ZNRF1: variants seen among roughly 807,000 people sequenced by gnomAD.
ZNRF1 encodes zinc and ring finger 1, also known as E3 ubiquitin-protein ligase ZNRF1.
Under a neutral mutation model 18.4 loss-of-function variants are expected in ZNRF1, and 3 were observed. That is an observed-to-expected ratio of 0.16 (90% CI 0.07 to 0.42). The LOEUF (loss-of-function observed/expected upper bound fraction) is 0.42, where lower values mean the gene tolerates loss of function less well. Among genes scored for constraint, ZNRF1 ranks in the 10% least tolerant of loss-of-function variants. ZNRF1 has a pLI of 0.99. For missense variants in ZNRF1, 310 were observed against 329.8 expected (o/e 0.94, Z 0.47); for synonymous variants, 157 against 144.2 (o/e 1.09, Z -0.64).
intron 1 of ZNRF1, among the ~76,000 whole-genome samples, chr16:75,062,068 C>T (rs1348509694): frequency 2.0e-5 from 3 of 152,124 alleles, no homozygotes; most frequent in Non-Finnish European, 2.9e-5. Context: ...TTCATGTTCT[C>T]GTTGTTATGC....
chr16:75,096,061 CGTGTGTGTGTGTGTGTGTGTGTGTGTGT>C (rs56013949), intron 2 of ZNRF1, among the ~76,000 whole-genome samples: 1 of 139,748 alleles, frequency 7.2e-6, no homozygotes, highest in South Asian at 2.3e-4. Flanking sequence ...TATGTGTGCA[CGTGTGTGTGTGTGTGTGTGTGTGTGTGT>C]GTGTGTGTGT....
intron 1 of ZNRF1, among the ~76,000 whole-genome samples, chr16:75,048,384 C>T (rs2035543877): frequency 6.6e-6 from 1 of 152,190 alleles, no homozygotes; most frequent in Admixed American, 6.5e-5. Context: ...GAGGTTAGGA[C>T]TTCAGCATAT....
intron 1 of ZNRF1, among the ~76,000 whole-genome samples, chr16:75,026,613 C>G (rs1567470179): frequency 6.6e-6 from 1 of 152,060 alleles, no homozygotes; most frequent in Admixed American, 6.6e-5. Context: ...ATATATACAA[C>G]AAAGTAGATC....
rs377103655 is a variant in ZNRF1 at position 75,094,449 on chromosome 16, G to A, written c.520+782G>A. Among the ~76,000 whole-genome samples the A allele has an allele frequency of 9.8e-5, 15 of 152,362 alleles. 2 individuals carry two copies. Among genetic ancestry groups the A allele is most frequent in the East Asian group, 7.7e-4 (4 of 5,188 alleles). On this transcript the variant is annotated intron_variant, in intron 2 of 4. Coordinates refer to ENST00000335325, the MANE Select transcript of ZNRF1 (RefSeq NM_032268.5). Reference sequence around the variant, plus strand: ...GCTGTGCATAAGGCTTTGGAGTCCAGGTGATGGGAGTTCAAATCTCCCTCT... The same window carrying A: ...GCTGTGCATAAGGCTTTGGAGTCCAAGTGATGGGAGTTCAAATCTCCCTCT...
chr16:75,017,650 T>C (rs1422096766), intron 1 of ZNRF1, among the ~76,000 whole-genome samples: 1 of 152,190 alleles, frequency 6.6e-6, no homozygotes, highest in African/African-American at 2.4e-5. Context: ...GGCCTAAAAC[T>C]GAGATCTCCT....
At chr16:75,023,543 G>T (rs1597863617) in intron 1 of ZNRF1, among the ~76,000 whole-genome samples, 1 of 152,134 alleles carries the variant, frequency 6.6e-6, no homozygotes, top group African/African-American at 2.4e-5. Context: ...AATTAGTTGG[G>T]CGTGGTGGCA....
chr16:75,101,426 C>A (rs183674938), intron 2 of ZNRF1, among the ~76,000 whole-genome samples: 79 of 152,212 alleles, frequency 5.2e-4, no homozygotes, highest in African/African-American at 1.4e-3. Context: ...TGGTGGCATG[C>A]ACCTGTAGTC....
intron 1 of ZNRF1, among the ~76,000 whole-genome samples, chr16:75,047,646 G>A (rs1361108951): frequency 6.6e-6 from 1 of 152,074 alleles, no homozygotes; most frequent in East Asian, 1.9e-4. Context: ...ACTTGTGTTA[G>A]TTATTACCAT....
Position 75,109,586 on chromosome 16 carries a change from T to G in ZNRF1, c.*1886T>G, listed in dbSNP as rs936236647. ...GACTCGGTGGTTCAGAGCCTGGGTC[T>G]CAGCGCGGGACCCGTCTGGGGTGAA... On this transcript the variant is annotated 3_prime_UTR_variant, in exon 5 of 5. Transcript: ENST00000335325. The G allele has an allele frequency of 2.0e-5, 3 of 152,772 alleles. No individual in the cohort carries two copies. Among genetic ancestry groups the G allele is most frequent in the Admixed American group, 6.5e-5 (1 of 15,286 alleles). 9.5% of individuals were successfully genotyped at this position (152,772 alleles called of 1,614,324 possible). A position where few individuals can be genotyped will look rare whatever the true frequency, so the allele number is the denominator to read the frequency against.
intron 1 of ZNRF1, among the ~76,000 whole-genome samples, chr16:75,086,968 G>A (rs1400137492): frequency 6.6e-6 from 1 of 152,138 alleles, no homozygotes; most frequent in Non-Finnish European, 1.5e-5. Flanking sequence ...GGAGGGCTGG[G>A]GAGGGAAACT....
rs1555508498 is a variant in ZNRF1 at position 74,999,863 on chromosome 16, CG to C, written c.199del (p.Val67CysfsTer96). Reference sequence around the variant, plus strand: ...GCATGGGCATGGACCCCAGCACGGCCGGGGGGGTGCCCTTTGGCCTCTACAC... The same window carrying C: ...GCATGGGCATGGACCCCAGCACGGCCGGGGGGTGCCCTTTGGCCTCTACAC... ...AGMGMDPSTA[G>X]GVPFGLYTPA... is the part of the protein sequence containing the mutation. On this transcript the variant is annotated frameshift_variant, in exon 1 of 5. Transcript: ENST00000335325. LOFTEE classifies it high-confidence loss of function. The C allele has an allele frequency of 1.1e-5, 16 of 1,517,262 alleles. No individual in the cohort carries two copies. The highest frequency in any genetic ancestry group is 2.5e-5 in the South Asian group (2 of 80,914). The allele number at this position is 1,517,262 out of a possible 1,614,324, so 94.0% of individuals were successfully genotyped here. A position where few individuals can be genotyped will look rare whatever the true frequency, so the allele number is the denominator to read the frequency against.
At chr16:75,035,862 T>C (rs2035370214) in intron 1 of ZNRF1, among the ~76,000 whole-genome samples, 1 of 152,232 alleles carries the variant, frequency 6.6e-6, no homozygotes, top group African/African-American at 2.4e-5. Context: ...AGAAAGGTCA[T>C]AAACTAGTTA....
At chr16:75,059,343 G>A (rs533570771) in intron 1 of ZNRF1, among the ~76,000 whole-genome samples, 36 of 137,410 alleles carry the variant, frequency 2.6e-4, no homozygotes, top group South Asian at 1.9e-3. Context: ...CACCTCCTCC[G>A]TTCAAGCGAT....
Position 75,023,654 on chromosome 16 carries a change from A to G in ZNRF1, c.424+23559A>G, listed in dbSNP as rs1007478284. Among the ~76,000 whole-genome samples, 32 of 152,008 alleles carry G rather than the reference A, an allele frequency of 2.1e-4. 1 individual carries two copies. The highest frequency in any genetic ancestry group is 7.5e-4 in the African/African-American group (31 of 41,496). On this transcript the variant is annotated intron_variant, in intron 1 of 4. Transcript: ENST00000335325. ...ACCTGAGATCACGCCACTTCACTCC[A>G]GCCTGGGTGAAAGAGCGAAACTCCA...
chr16:75,009,064 G>C (rs1260067928), intron 1 of ZNRF1, among the ~76,000 whole-genome samples: 3 of 152,106 alleles, frequency 2.0e-5, no homozygotes, highest in Admixed American at 6.5e-5. Context: ...GTCATCCCTA[G>C]AGCCACTTTT....
At chr16:75,040,969 G>A (rs1166331589) in intron 1 of ZNRF1, among the ~76,000 whole-genome samples, 5 of 152,052 alleles carry the variant, frequency 3.3e-5, no homozygotes, top group Non-Finnish European at 7.4e-5. Context: ...TGCTGACATC[G>A]GTAGTTTTTA....
chr16:75,072,660 T>C (rs2035883761), intron 1 of ZNRF1, among the ~76,000 whole-genome samples: 1 of 152,210 alleles, frequency 6.6e-6, no homozygotes, highest in Non-Finnish European at 1.5e-5. Flanking sequence ...ATTAGCTATG[T>C]TGTAGTATAC....
chr16:75,108,028 A>C lies in ZNRF1; in HGVS notation c.*328A>C, dbSNP rs1391890182. ...ACAAAAAAAAATTATATAAAAAAAAAGTCTAGTGTCGACTGGTGTTTTCCC... is the reference window on the plus strand; with the variant it reads ...ACAAAAAAAAATTATATAAAAAAAACGTCTAGTGTCGACTGGTGTTTTCCC... On this transcript the variant is annotated 3_prime_UTR_variant, in exon 5 of 5. Transcript: ENST00000335325. 2 of 317,614 alleles carry C rather than the reference A, an allele frequency of 6.3e-6. No homozygotes were observed. The highest frequency in any genetic ancestry group is 1.2e-5 in the Non-Finnish European group (2 of 162,052). The allele number at this position is 317,614 out of a possible 1,614,324, so 19.7% of individuals were successfully genotyped here. A position where few individuals can be genotyped will look rare whatever the true frequency, so the allele number is the denominator to read the frequency against.
chr16:75,007,418 G>C (rs2034936504), intron 1 of ZNRF1, among the ~76,000 whole-genome samples: 1 of 152,190 alleles, frequency 6.6e-6, no homozygotes, highest in African/African-American at 2.4e-5. Context: ...TTTACCTTGA[G>C]ACCTCCCTAG....
Sources: gnomAD v4.1 joint callset for allele counts (sites outside exome capture counted in the v4.1 genomes callset) on GRCh38, gnomAD v4.1.1 for gene constraint, MANE v1.5 for transcripts, NCBI Gene and HGNC (gene_info 2026-07-23, HGNC 2026-07-21) for gene names.